STX11: variants seen among roughly 807,000 people sequenced by gnomAD.
STX11 encodes the protein syntaxin-11.
STX11 carries 21 observed loss-of-function variants against 19.9 expected under a neutral mutation model. The observed-to-expected ratio is 1.06, with a 90% CI of 0.75 to 1.52. STX11 has a LOEUF of 1.52. STX11 is among the 40% of genes most tolerant of loss of function. STX11 has a pLI of 0.00. For synonymous variants in STX11, 193 were observed against 174.4 expected, an observed-to-expected ratio of 1.11 and a Z score of -0.84; for missense variants, 438 against 405.9, an observed-to-expected ratio of 1.08 and a Z score of -0.68.
chr6:144,147,445 T>C (rs928014440), upstream of STX11, among the ~76,000 whole-genome samples: 1 of 152,234 alleles, frequency 6.6e-6, no homozygotes, highest in Non-Finnish European at 1.5e-5. The surrounding 1 kb of genome is among the most constrained non-coding windows in gnomAD (Gnocchi z 4.2). Context: ...TCTTGGTTTA[T>C]CTATCTCACT....
chr6:144,157,990 A>G (rs1204659649), intron 1 of STX11, among the ~76,000 whole-genome samples: 3 of 151,168 alleles, frequency 2.0e-5, no homozygotes, highest in Non-Finnish European at 4.4e-5. Context: ...ACAGGGGAAA[A>G]ACAAAAAAAA....
In STX11 at chr6:144,182,427, C is replaced by T. The variant is rs1469891676; in HGVS notation, c.-5-4196C>T. Among the ~76,000 whole-genome samples the T allele has an allele frequency of 6.6e-6, 1 of 152,206 alleles. No homozygotes were observed. The highest frequency in any genetic ancestry group is 1.5e-5 in the Non-Finnish European group (1 of 68,008). On this transcript the variant is annotated intron_variant, in intron 1 of 1. Transcript: ENST00000367568. This position sits in a 1 kb window ranked among gnomAD's most constrained non-coding sequence, Gnocchi z 4.8. ...GAAGGCCCCCTTCCCTCCTTTACCA[C>T]ACCTCAATAGAGAATCTTTATGTCT...
At chr6:144,157,677 G>A (rs1801208708) in intron 1 of STX11, among the ~76,000 whole-genome samples, 1 of 152,134 alleles carries the variant, frequency 6.6e-6, no homozygotes, top group Non-Finnish European at 1.5e-5. Context: ...GTAGGCCGTG[G>A]TGAGGGCAGT....
intron 1 of STX11, among the ~76,000 whole-genome samples, chr6:144,186,054 CTTTTTTT>C (rs59082171): frequency 7.2e-6 from 1 of 138,314 alleles, no homozygotes; most frequent in East Asian, 2.1e-4. Flanking sequence ...CTTCTTTTTT[CTTTTTTT>C]TTTTTTCTGT....
Position 144,153,227 on chromosome 6 carries a change from G to A in STX11, c.-6+2524G>A, listed in dbSNP as rs147220207. On this transcript the variant is annotated intron_variant, in intron 1 of 1. Coordinates refer to ENST00000367568, the MANE Select transcript of STX11 (RefSeq NM_003764.4). This position sits in a 1 kb window ranked among gnomAD's most constrained non-coding sequence, Gnocchi z 5.0. ...TCCAAACTTTATTCCTCCTTTGAGA[G>A]CCCTAAAGTTACTTTTTCTATGAGA... Among the ~76,000 whole-genome samples, 1 of 152,128 alleles carries A rather than the reference G, an allele frequency of 6.6e-6. No individual in the cohort carries two copies. The highest frequency in any genetic ancestry group is 2.1e-4 in the South Asian group (1 of 4,832).
Position 144,167,403 on chromosome 6 carries a change from A to G in STX11, c.-6+16700A>G, listed in dbSNP as rs548005287. ...TCTAAACACGAAATTTATGTTTCAT[A>G]TATACCTATACACATAGCCTGAAGA... On this transcript the variant is annotated intron_variant, in intron 1 of 1. Transcript: ENST00000367568. The surrounding 1 kb of genome is among the most constrained non-coding windows in gnomAD (Gnocchi z 5.0). Among the ~76,000 whole-genome samples the G allele has an allele frequency of 4.3e-4, 65 of 152,330 alleles. No individual in the cohort carries two copies. Among genetic ancestry groups the G allele is most frequent in the African/African-American group, 1.5e-3 (64 of 41,576 alleles).
Position 144,155,957 on chromosome 6 carries a change from T to C in STX11, c.-6+5254T>C, listed in dbSNP as rs1277017782. On this transcript the variant is annotated intron_variant, in intron 1 of 1. Transcript: ENST00000367568. This position sits in a 1 kb window ranked among gnomAD's most constrained non-coding sequence, Gnocchi z 4.5. Reference sequence around the variant, plus strand: ...AAAATTTAATCTTTCTTTCTTTCTTTCTTTCTTTCTTTCTTTCTTTCTTTC... The same window carrying C: ...AAAATTTAATCTTTCTTTCTTTCTTCCTTTCTTTCTTTCTTTCTTTCTTTC... Among the ~76,000 whole-genome samples the C allele has an allele frequency of 4.8e-5, 4 of 83,276 alleles. No individual in the cohort carries two copies. The highest frequency in any genetic ancestry group is 2.3e-4 in the African/African-American group (4 of 17,558). 54.6% of individuals were successfully genotyped at this position (83,276 alleles called of 152,430 possible).
Position 144,176,838 on chromosome 6 carries a change from A to G in STX11, c.-5-9785A>G, listed in dbSNP as rs1275366973. Among the ~76,000 whole-genome samples, 1 of 152,194 alleles carries G rather than the reference A, an allele frequency of 6.6e-6. No homozygotes were observed. Among genetic ancestry groups the G allele is most frequent in the Non-Finnish European group, 1.5e-5 (1 of 68,034 alleles). On this transcript the variant is annotated intron_variant, in intron 1 of 1. Transcript: ENST00000367568. The surrounding 1 kb of genome is among the most constrained non-coding windows in gnomAD (Gnocchi z 4.1). ...TAGAAGAGGATTTCCAACAAAGATA[A>G]GTAGATGCCTTTGACATTTGAAGGG...
chr6:144,186,243 C>T (rs1327668898), intron 1 of STX11, among the ~76,000 whole-genome samples: 1 of 150,060 alleles, frequency 6.7e-6, no homozygotes, highest in Non-Finnish European at 1.5e-5. Context: ...GTGCAGCACA[C>T]CAACATGGCA....
Position 144,162,810 on chromosome 6 carries a change from A to G in STX11, c.-6+12107A>G, listed in dbSNP as rs373681173. ...GCAGTAAGTAAAAAATTACTCAACTATCATTTATAAATCTTCTTGTTGATA... is the reference window on the plus strand; with the variant it reads ...GCAGTAAGTAAAAAATTACTCAACTGTCATTTATAAATCTTCTTGTTGATA... On this transcript the variant is annotated intron_variant, in intron 1 of 1. Coordinates refer to ENST00000367568, the MANE Select transcript of STX11 (RefSeq NM_003764.4). The surrounding 1 kb of genome is among the most constrained non-coding windows in gnomAD (Gnocchi z 4.6). Among the ~76,000 whole-genome samples, 2 of 152,236 alleles carry G rather than the reference A, an allele frequency of 1.3e-5. No homozygotes were observed. The highest frequency in any genetic ancestry group is 4.1e-4 in the South Asian group (2 of 4,836).
upstream of STX11, among the ~76,000 whole-genome samples, chr6:144,148,702 A>C (rs80011003): frequency 5.9e-3 from 895 of 152,254 alleles, 42 homozygotes; most frequent in East Asian, 0.11. Flanking sequence ...CATTACATTT[A>C]GTTTTCACGT....
rs1036340127 is a variant in STX11 at position 144,184,574 on chromosome 6, G to A, written c.-5-2049G>A. Among the ~76,000 whole-genome samples, 2 of 152,132 alleles carry A rather than the reference G, an allele frequency of 1.3e-5. No individual in the cohort carries two copies. The highest frequency in any genetic ancestry group is 4.8e-5 in the African/African-American group (2 of 41,424). On this transcript the variant is annotated intron_variant, in intron 1 of 1. Transcript: ENST00000367568. The surrounding 1 kb of genome is among the most constrained non-coding windows in gnomAD (Gnocchi z 6.5). ...TTTGTGACTATATTTTTATACTTTT[G>A]CTAAAGATTATTTAGTGCATTGGTT...
Position 144,183,014 on chromosome 6 carries a change from TAG to T in STX11, c.-5-3607_-5-3606del, listed in dbSNP as rs979535645. ...AAAATGTTAACTTGATTGCCATGCA[TAG>T]ACTTTTAAAAGTTGCTAAGGAGTTA... On this transcript the variant is annotated intron_variant, in intron 1 of 1. Transcript: ENST00000367568. This position sits in a 1 kb window ranked among gnomAD's most constrained non-coding sequence, Gnocchi z 4.6. Among the ~76,000 whole-genome samples the T allele has an allele frequency of 4.6e-5, 7 of 152,256 alleles. No individual in the cohort carries two copies. The highest frequency in any genetic ancestry group is 7.2e-5 in the African/African-American group (3 of 41,466).
chr6:144,178,129 A>G (rs1562666441), intron 1 of STX11, among the ~76,000 whole-genome samples: 1 of 152,164 alleles, frequency 6.6e-6, no homozygotes, highest in Non-Finnish European at 1.5e-5. Flanking sequence ...TCTTGTGGGG[A>G]GTTTAGGAAA....
chr6:144,169,589 T>C lies in STX11; in HGVS notation c.-5-17034T>C, dbSNP rs913681669. On this transcript the variant is annotated intron_variant, in intron 1 of 1. Coordinates refer to ENST00000367568, the MANE Select transcript of STX11 (RefSeq NM_003764.4). The surrounding 1 kb of genome is among the most constrained non-coding windows in gnomAD (Gnocchi z 5.2). Reference sequence around the variant, plus strand: ...TTTCAATACATGATCAAGATCTTCATTTCTAGCTTTATACAGTGTTTTCCT... The same window carrying C: ...TTTCAATACATGATCAAGATCTTCACTTCTAGCTTTATACAGTGTTTTCCT... 2.6e-5 allele frequency among the ~76,000 whole-genome samples: 4 copies of C among 152,196 alleles called. No homozygotes were observed. The highest frequency in any genetic ancestry group is 9.6e-5 in the African/African-American group (4 of 41,452).
rs891487525 is a variant in STX11 at position 144,172,965 on chromosome 6, G to A, written c.-5-13658G>A. The stretch of plus-strand genomic sequence containing the variant: ...GTTCTGTCCAAGCACATGTTACCAG[G>A]TGCCCCTGATCCTGGGCTAGGCCAT... On this transcript the variant is annotated intron_variant, in intron 1 of 1. Coordinates refer to ENST00000367568, the MANE Select transcript of STX11 (RefSeq NM_003764.4). The surrounding 1 kb of genome is among the most constrained non-coding windows in gnomAD (Gnocchi z 4.2). Among the ~76,000 whole-genome samples the A allele has an allele frequency of 5.9e-5, 9 of 152,096 alleles. No individual in the cohort carries two copies. Among genetic ancestry groups the A allele is most frequent in the African/African-American group, 2.2e-4 (9 of 41,420 alleles).
In STX11 at chr6:144,183,865, C is replaced by T. The variant is rs6939320; in HGVS notation, c.-5-2758C>T. On this transcript the variant is annotated intron_variant, in intron 1 of 1. Coordinates refer to ENST00000367568, the MANE Select transcript of STX11 (RefSeq NM_003764.4). This position sits in a 1 kb window ranked among gnomAD's most constrained non-coding sequence, Gnocchi z 4.6. Reference sequence around the variant, plus strand: ...AAGCTCAGCATGCATCAGCTCTTTTCCCTAATGCTCTCCCCTCCCCCGCAC... The same window carrying T: ...AAGCTCAGCATGCATCAGCTCTTTTTCCTAATGCTCTCCCCTCCCCCGCAC... 0.55 allele frequency among the ~76,000 whole-genome samples: 84,361 copies of T among 152,014 alleles called. 26,174 individuals carry two copies. The highest frequency in any genetic ancestry group is 0.85 in the African/African-American group (35,141 of 41,464).
At chr6:144,164,618 A>G (rs1285658472) in intron 1 of STX11, among the ~76,000 whole-genome samples, 1 of 152,246 alleles carries the variant, frequency 6.6e-6, no homozygotes, top group Non-Finnish European at 1.5e-5. Flanking sequence ...GAAAATTAAA[A>G]TTCTGTTGGT....
At chr6:144,178,151 G>C (rs969101982) in intron 1 of STX11, among the ~76,000 whole-genome samples, 1 of 152,186 alleles carries the variant, frequency 6.6e-6, no homozygotes, top group African/African-American at 2.4e-5. Context: ...AGAAGCTAGT[G>C]TAGCTTTGTG....
Sources: allele counts gnomAD v4.1 joint callset (sites outside exome capture counted in the v4.1 genomes callset), GRCh38; gene constraint gnomAD v4.1.1; non-coding constraint Gnocchi (gnomAD v3.1); transcripts MANE v1.5; gene names NCBI Gene and HGNC (gene_info 2026-07-23, HGNC 2026-07-21).